Variants in GPHN observed in about 807,000 individuals in gnomAD.
GPHN encodes the protein gephyrin.
In GPHN, 17 loss-of-function variants were observed where a neutral mutation model predicts 95.5. That is an observed-to-expected ratio of 0.18 (90% CI 0.12 to 0.27). GPHN has a LOEUF of 0.27. Ranked by LOEUF, GPHN falls within the 10% of genes least tolerant of loss-of-function variation. The pLI, the probability that GPHN is intolerant of heterozygous loss-of-function variation, is 1.00. For synonymous variants in GPHN, 320 were observed against 322.5 expected (o/e 0.99, Z 0.08); for missense variants, 660 against 978.1 (o/e 0.67, Z 4.34).
chr14:66,813,868 T>G (rs559838302), intron 3 of GPHN, among the ~76,000 whole-genome samples: 1 of 152,150 alleles, frequency 6.6e-6, no homozygotes. Context: ...AGGGCAGTCT[T>G]GAGGTCCCTG....
At chr14:67,286,421 G>C in the GPHN span, among the ~76,000 whole-genome samples, 2 of 152,116 alleles carry the variant, frequency 1.3e-5, no homozygotes, top group African/African-American at 2.4e-5. Flanking sequence ...GTATTTGACA[G>C]GACTGATTTA....
At chr14:67,602,880 C>A in the GPHN span, among the ~76,000 whole-genome samples, 2 of 152,132 alleles carry the variant, frequency 1.3e-5, no homozygotes, top group East Asian at 3.8e-4. Flanking sequence ...CACTGTAACA[C>A]ATTTTTAAAA....
At chr14:66,595,629 A>G (rs543340743) in intron 1 of GPHN, among the ~76,000 whole-genome samples, 8 of 152,136 alleles carry the variant, frequency 5.3e-5, no homozygotes, top group Non-Finnish European at 7.4e-5. Flanking sequence ...CTGTGGCTCA[A>G]TGAGGCTTAC....
At chr14:66,665,275 A>G (rs2065885920) in intron 1 of GPHN, among the ~76,000 whole-genome samples, 2 of 152,178 alleles carry the variant, frequency 1.3e-5, no homozygotes, top group South Asian at 4.1e-4. Context: ...CCAAAAAGAT[A>G]AATCGAGCTT....
At chr14:66,562,905 G>A (rs371323340) in intron 1 of GPHN, among the ~76,000 whole-genome samples, 1 of 151,880 alleles carries the variant, frequency 6.6e-6, no homozygotes, top group African/African-American at 2.4e-5. Flanking sequence ...GCGCAAACTT[G>A]CCTTTTCTTA....
the GPHN span, among the ~76,000 whole-genome samples, chr14:67,207,848 C>T: frequency 6.6e-6 from 1 of 152,164 alleles, no homozygotes; most frequent in South Asian, 2.1e-4. Flanking sequence ...TAATTAAGAC[C>T]AAACTCAGAC....
At chr14:66,804,718 C>T (rs911491788) in intron 3 of GPHN, among the ~76,000 whole-genome samples, 2 of 152,146 alleles carry the variant, frequency 1.3e-5, no homozygotes, top group Admixed American at 1.3e-4. Flanking sequence ...GTTTCCTCCT[C>T]TTTGGAATTT....
chr14:67,439,539 T>TTCTTTC, the GPHN span, among the ~76,000 whole-genome samples: 4 of 56,130 alleles, frequency 7.1e-5, no homozygotes, highest in Non-Finnish European at 1.3e-4. Flanking sequence ...AATAGTTTCT[T>TTCTTTC]TCTTTCTTTC....
the GPHN span, chr14:67,349,075 G>A: frequency 6.2e-7 from 1 of 1,613,980 alleles, no homozygotes; most frequent in Non-Finnish European, 8.5e-7. Context: ...CTTCACTTGC[G>A]CTTTATTGAC....
chr14:67,600,130 G>C, the GPHN span: 1 of 1,596,310 alleles, frequency 6.3e-7, no homozygotes, highest in Non-Finnish European at 8.5e-7. Flanking sequence ...TTCCCGGCAG[G>C]ACGGGGAGTA....
the GPHN span, chr14:67,562,045 C>A: frequency 1.9e-6 from 3 of 1,612,692 alleles, no homozygotes; most frequent in African/African-American, 1.3e-5. Flanking sequence ...GGTAGGCAGG[C>A]CAGGGTGTGC....
intron 2 of GPHN, among the ~76,000 whole-genome samples, chr14:66,699,838 G>A (rs1352182473): frequency 6.6e-6 from 1 of 152,128 alleles, no homozygotes; most frequent in Non-Finnish European, 1.5e-5. Context: ...TTACAATCTG[G>A]TTGTTTACAG....
At chr14:66,512,102 G>T (rs1253749529) in intron 1 of GPHN, among the ~76,000 whole-genome samples, 1 of 151,858 alleles carries the variant, frequency 6.6e-6, no homozygotes, top group Non-Finnish European at 1.5e-5. Context: ...TGAGTAACAT[G>T]AAGCAAATAA....
chr14:67,733,570 T>G, the GPHN span, among the ~76,000 whole-genome samples: 1 of 152,278 alleles, frequency 6.6e-6, no homozygotes, highest in Non-Finnish European at 1.5e-5. Context: ...TGTGTATTAC[T>G]ATATCACAAA....
intron 4 of GPHN, among the ~76,000 whole-genome samples, chr14:66,851,126 G>A (rs190953363): frequency 6.6e-6 from 1 of 151,016 alleles, no homozygotes; most frequent in African/African-American, 2.4e-5. Context: ...TGTTGTTGTT[G>A]TTTTTATTCC....
At chr14:66,930,850 G>A (rs896020503) in intron 8 of GPHN, among the ~76,000 whole-genome samples, 87 of 152,082 alleles carry the variant, frequency 5.7e-4, no homozygotes, top group African/African-American at 2.1e-3. Context: ...TCATCTCTTA[G>A]TTGTCCTACT....
the GPHN span, chr14:67,254,182 CTTTTTTT>C: frequency 3.4e-5 from 4 of 118,562 alleles, no homozygotes; most frequent in Admixed American, 1.7e-4. Context: ...AAGTGTCTTT[CTTTTTTT>C]TTTTTTTTTT....
intron 8 of GPHN, among the ~76,000 whole-genome samples, chr14:66,945,503 A>C (rs2153575648): frequency 1.3e-5 from 2 of 152,290 alleles, no homozygotes; most frequent in African/African-American, 4.8e-5. Context: ...TGAGTGATAA[A>C]AGACTACACA....
chr14:67,385,198 C>T, the GPHN span: 1 of 152,098 alleles, frequency 6.6e-6, no homozygotes, highest in African/African-American at 2.4e-5. Context: ...ACCTTGCTAA[C>T]CTAAAAGACA....
Sources: gnomAD v4.1 joint callset for allele counts (sites outside exome capture counted in the v4.1 genomes callset) on GRCh38, gnomAD v4.1.1 for gene constraint, MANE v1.5 for transcripts, NCBI Gene and HGNC (gene_info 2026-07-23, HGNC 2026-07-21) for gene names.